Variants in RIMBP2 observed in about 807,000 individuals in gnomAD.
The protein encoded by RIMBP2 is RIMS binding protein 2.
A neutral mutation model predicts 118.6 loss-of-function variants in RIMBP2; 48 were observed. The observed-to-expected ratio is 0.40, with a 90% CI of 0.32 to 0.51. RIMBP2 has a LOEUF of 0.51. RIMBP2 is among the 20% of genes least tolerant of loss of function. The probability of loss-of-function intolerance (pLI) is 0.41; values close to 1 mark genes in which losing one functional copy is unlikely to be tolerated. For missense variants in RIMBP2, 1,551 were observed against 1,768.3 expected (o/e 0.88, Z 2.20); for synonymous variants, 762 against 742.9 (o/e 1.03, Z -0.42).
In RIMBP2 at chr12:130,475,014, G is replaced by A. The variant is rs74427003; in HGVS notation, c.102+3898C>T. On this transcript the variant is annotated intron_variant, in intron 5 of 22. Transcript: ENST00000690449. The surrounding 1 kb of genome is among the most constrained non-coding windows in gnomAD (Gnocchi z 4.1). ...GGTCTCCAGGAAGCACGCGTCTCCC[G>A]GGAGAGCCTGAGGTTACCAGCAGAC... is the stretch of plus-strand genomic sequence containing the variant. Among the ~76,000 whole-genome samples the A allele has an allele frequency of 0.012, 1,752 of 152,260 alleles. 32 individuals carry two copies. The highest frequency in any genetic ancestry group is 0.039 in the African/African-American group (1,637 of 41,544).
chr12:130,522,792 A>G (rs1366796792), intron 2 of RIMBP2, among the ~76,000 whole-genome samples: 1 of 152,070 alleles, frequency 6.6e-6, no homozygotes, highest in African/African-American at 2.4e-5. Context: ...ACTGAATTGC[A>G]TCTCCCCAAA....
chr12:130,536,691 T>C (rs543562637), intron 2 of RIMBP2, among the ~76,000 whole-genome samples: 1 of 152,234 alleles, frequency 6.6e-6, no homozygotes, highest in South Asian at 2.1e-4. Context: ...ATTTTAAGTT[T>C]AATTTAAGTC....
intron 4 of RIMBP2, among the ~76,000 whole-genome samples, chr12:130,486,260 C>A (rs2082462468): frequency 6.6e-6 from 1 of 152,194 alleles, no homozygotes; most frequent in African/African-American, 2.4e-5. Flanking sequence ...GACACCAGGG[C>A]TGCTCCTCCT....
chr12:130,637,833 A>T (rs1205691501), intron 1 of RIMBP2, among the ~76,000 whole-genome samples: 1 of 152,186 alleles, frequency 6.6e-6, no homozygotes, highest in Non-Finnish European at 1.5e-5. Flanking sequence ...GAGAGGAGGG[A>T]TGAGCAGATT....
At chr12:130,610,582 A>G (rs1186416557) in intron 2 of RIMBP2, among the ~76,000 whole-genome samples, 2 of 62,354 alleles carry the variant, frequency 3.2e-5, no homozygotes, top group African/African-American at 1.3e-4. Flanking sequence ...TTTTTTTGAG[A>G]CGGAGTCTCG....
At chr12:130,514,905 C>G (rs1470758165) in intron 3 of RIMBP2, among the ~76,000 whole-genome samples, 1 of 152,036 alleles carries the variant, frequency 6.6e-6, no homozygotes, top group Non-Finnish European at 1.5e-5. Flanking sequence ...GAGACAGAGT[C>G]TTGCTCTGTC....
chr12:130,421,720 TG>T (rs2076423156), intron 17 of RIMBP2, among the ~76,000 whole-genome samples: 1 of 151,492 alleles, frequency 6.6e-6, no homozygotes. Flanking sequence ...TGTGTGTGTG[TG>T]TGTTTTCATA....
At position 130,424,410 on chromosome 12, in the gene RIMBP2, G is replaced by A. The variant is rs544641588; in HGVS notation, c.2861C>T (p.Pro954Leu). ...CCGCCGCCGGGCCAGCAGCGGCCTC[G>A]GGCCCCTCCTGCAGGGACAGTGACC... ...GPGHCPCRRG[P>L]RPLLARRRTL... The change falls in exon 16 of 23, where the codon CCG becomes CTG. Residue 954 changes from proline to leucine, a missense_variant. Coordinates refer to ENST00000690449, the MANE Select transcript of RIMBP2 (RefSeq NM_001393629.1). The surrounding 1 kb of genome is among the most constrained non-coding windows in gnomAD (Gnocchi z 9.8). 219 of 1,232,692 alleles carry A rather than the reference G, an allele frequency of 1.8e-4. No homozygotes were observed. The highest frequency in any genetic ancestry group is 2.0e-4 in the African/African-American group (13 of 64,514). 76.4% of individuals were successfully genotyped at this position (1,232,692 alleles called of 1,614,324 possible). A position where few individuals can be genotyped will look rare whatever the true frequency, so the allele number is the denominator to read the frequency against.
intron 2 of RIMBP2, among the ~76,000 whole-genome samples, chr12:130,551,523 A>T (rs954348001): frequency 4.0e-5 from 6 of 151,018 alleles, no homozygotes; most frequent in Admixed American, 3.3e-4. Flanking sequence ...AAATCATGAT[A>T]ATTTTCTTCT....
At chr12:130,656,386 A>G (rs1290572746) in intron 1 of RIMBP2, among the ~76,000 whole-genome samples, 1 of 152,210 alleles carries the variant, frequency 6.6e-6, no homozygotes, top group Admixed American at 6.5e-5. Context: ...CGTCATACAG[A>G]GAGAAGCTTT....
At chr12:130,449,138 G>A (rs963873011) in intron 9 of RIMBP2, among the ~76,000 whole-genome samples, 1 of 152,242 alleles carries the variant, frequency 6.6e-6, no homozygotes, top group African/African-American at 2.4e-5. Context: ...CTCAGGCCAA[G>A]CCCACGCTCA....
chr12:130,621,358 C>T lies in RIMBP2; in HGVS notation c.-217+6964G>A, dbSNP rs535957765. 2.0e-4 allele frequency among the ~76,000 whole-genome samples: 31 copies of T among 152,288 alleles called. No individual in the cohort carries two copies. The highest frequency in any genetic ancestry group is 7.2e-4 in the African/African-American group (30 of 41,558). On this transcript the variant is annotated intron_variant, in intron 2 of 22. Transcript: ENST00000690449. The surrounding 1 kb of genome is among the most constrained non-coding windows in gnomAD (Gnocchi z 6.6). ...GGAACAGCGCCAGGCCTGTGAACTCCAAGTGCACCATTAAGGGACTCTGAT... is the reference window on the plus strand; with the variant it reads ...GGAACAGCGCCAGGCCTGTGAACTCTAAGTGCACCATTAAGGGACTCTGAT...
chr12:130,632,765 C>G (rs1329746506), intron 1 of RIMBP2, among the ~76,000 whole-genome samples: 1 of 152,220 alleles, frequency 6.6e-6, no homozygotes, highest in Non-Finnish European at 1.5e-5. Flanking sequence ...ATTTGTGGGG[C>G]TGTGCATAAC....
chr12:130,444,678 A>AC (rs1424275301), intron 10 of RIMBP2, among the ~76,000 whole-genome samples: 3 of 152,162 alleles, frequency 2.0e-5, no homozygotes, highest in Non-Finnish European at 4.4e-5. Context: ...ACCTGGGGCC[A>AC]CCCCCTAAGT....
chr12:130,436,986 G>C lies in RIMBP2; in HGVS notation c.1962C>G (p.His654Gln). 1 of 1,609,546 alleles carries C rather than the reference G, an allele frequency of 6.2e-7. No homozygotes were observed. The highest frequency in any genetic ancestry group is 8.5e-7 in the Non-Finnish European group (1 of 1,177,938). The change falls in exon 13 of 23, where the codon CAC (histidine) becomes CAG (glutamine). Residue 654 changes from histidine (H) to glutamine (Q), a missense_variant. This residue lies in a region of RIMBP2 where 1,038 missense variants were observed against 1,125.1 expected (regional missense o/e 0.92). Coordinates refer to ENST00000690449, the MANE Select transcript of RIMBP2 (RefSeq NM_001393629.1). ...CGGGGCCCACGGGCGGCTCCAGCAT[G>C]TGCCCATGCACAGGGCCAGGTGCAC... is the stretch of plus-strand genomic sequence containing the variant. ...QSRAPGPVHGHMLEPPVGPGR... is the reference protein window; with the variant it reads ...QSRAPGPVHGQMLEPPVGPGR...
chr12:130,402,877 C>A (rs2074773712), intron 21 of RIMBP2, among the ~76,000 whole-genome samples: 3 of 152,260 alleles, frequency 2.0e-5, no homozygotes, highest in Admixed American at 2.0e-4. Context: ...TTTCAGATAC[C>A]GAGATGCTGG....
chr12:130,399,551 G>A (rs1235755809), intron 22 of RIMBP2, 128 bp downstream of exon 22: 1 of 1,087,850 alleles, frequency 9.2e-7, no homozygotes, highest in Admixed American at 2.4e-5. Flanking sequence ...CTTCAGGGCA[G>A]AGAAAAAAAA....
At position 130,576,099 on chromosome 12, in the gene RIMBP2, G is replaced by T. The variant is rs969857294; in HGVS notation, c.-217+52223C>A. 1.8e-4 allele frequency among the ~76,000 whole-genome samples: 28 copies of T among 152,054 alleles called. No homozygotes were observed. Among genetic ancestry groups the T allele is most frequent in the African/African-American group, 6.8e-4 (28 of 41,376 alleles). On this transcript the variant is annotated intron_variant, in intron 2 of 22. Transcript: ENST00000690449. The surrounding 1 kb of genome is among the most constrained non-coding windows in gnomAD (Gnocchi z 4.2). ...GTACTCTGCAGGGAGGCTGGTGCGG[G>T]GGGACCGTTAGGCAAAGGGGCTGCG...
intron 2 of RIMBP2, among the ~76,000 whole-genome samples, chr12:130,535,978 G>T (rs373117419): frequency 6.6e-6 from 1 of 151,692 alleles, no homozygotes; most frequent in South Asian, 2.1e-4. Flanking sequence ...TTGTAGAGAC[G>T]GGGTTTCACC....
Sources: gnomAD v4.1 joint callset for allele counts (sites outside exome capture counted in the v4.1 genomes callset) on GRCh38, gnomAD v4.1.1 for gene constraint, gnomAD v4.1.1 regional missense constraint, Gnocchi (gnomAD v3.1) non-coding constraint, MANE v1.5 for transcripts, NCBI Gene and HGNC (gene_info 2026-07-23, HGNC 2026-07-21) for gene names.